Variants in GOLM2 observed in about 807,000 individuals in gnomAD.
GOLM2 encodes golgi membrane protein 2.
GOLM2 carries 26 observed loss-of-function variants against 55.9 expected under a neutral mutation model. The observed-to-expected ratio is 0.47, with a 90% confidence interval of 0.34 to 0.65. The LOEUF (loss-of-function observed/expected upper bound fraction) is 0.65. Ranked by LOEUF, GOLM2 falls within the 30% of genes least tolerant of loss-of-function variation. The probability of loss-of-function intolerance (pLI) is 0.01; values close to 1 mark genes in which losing one functional copy is unlikely to be tolerated. For synonymous variants in GOLM2, 165 were observed against 194.6 expected (o/e 0.85, Z 1.27); for missense variants, 486 against 531.8 (o/e 0.91, Z 0.85).
chr15:44,294,052 C>T (rs140606940), intron 1 of GOLM2, among the ~76,000 whole-genome samples: 1 of 152,254 alleles, frequency 6.6e-6, no homozygotes, highest in East Asian at 1.9e-4. Flanking sequence ...CTGGCTCTGG[C>T]TGTTGGAGAG....
intron 6 of GOLM2, among the ~76,000 whole-genome samples, chr15:44,357,317 C>T (rs1454194901): frequency 6.6e-6 from 1 of 152,112 alleles, no homozygotes; most frequent in African/African-American, 2.4e-5. Context: ...ATGATTATAT[C>T]AGTGAATACA....
At chr15:44,318,350 C>T (rs1211965063) in intron 1 of GOLM2, among the ~76,000 whole-genome samples, 1 of 152,196 alleles carries the variant, frequency 6.6e-6, no homozygotes, top group East Asian at 1.9e-4. Flanking sequence ...TACTTGGTCT[C>T]CCTCCTTCTC....
At chr15:44,364,695 A>C (rs1434181204) in intron 6 of GOLM2, among the ~76,000 whole-genome samples, 2 of 148,286 alleles carry the variant, frequency 1.3e-5, no homozygotes, top group Non-Finnish European at 3.0e-5. Context: ...ATCCTGTCTC[A>C]AAAAAAAAAG....
rs2079661551 is a variant in GOLM2 at position 44,414,651 on chromosome 15, A to C, written c.*1245A>C. On this transcript the variant is annotated 3_prime_UTR_variant, in exon 10 of 10. Coordinates refer to ENST00000299957, the MANE Select transcript of GOLM2 (RefSeq NM_138423.4). ...TGATCTTATTTGATTAGACTTTTTCAGAAGTACTAAATAAGGAATTTTAAC... is the reference window on the plus strand; with the variant it reads ...TGATCTTATTTGATTAGACTTTTTCCGAAGTACTAAATAAGGAATTTTAAC... 1 of 152,226 alleles carries C rather than the reference A, an allele frequency of 6.6e-6. No homozygotes were observed. The highest frequency in any genetic ancestry group is 1.5e-5 in the Non-Finnish European group (1 of 68,038). 9.4% of individuals were successfully genotyped at this position (152,226 alleles called of 1,614,324 possible).
At chr15:44,294,971 G>A (rs940213279) in intron 1 of GOLM2, among the ~76,000 whole-genome samples, 4 of 151,764 alleles carry the variant, frequency 2.6e-5, no homozygotes, top group Admixed American at 6.6e-5. Flanking sequence ...TGGAAATCAA[G>A]GAATCCTTTC....
At chr15:44,370,233 T>C (rs958057723) in intron 6 of GOLM2, among the ~76,000 whole-genome samples, 1 of 152,216 alleles carries the variant, frequency 6.6e-6, no homozygotes, top group Non-Finnish European at 1.5e-5. Flanking sequence ...TAAAGTATCT[T>C]TCAGTCCAGT....
At chr15:44,338,770 C>T (rs2079073473) in intron 6 of GOLM2, among the ~76,000 whole-genome samples, 1 of 152,136 alleles carries the variant, frequency 6.6e-6, no homozygotes, top group African/African-American at 2.4e-5. Flanking sequence ...TGAATTACCC[C>T]ACACTTTTGG....
rs1451001263 is a variant in GOLM2 at position 44,289,739 on chromosome 15, A to G, written c.327+383A>G. On this transcript the variant is annotated intron_variant, in intron 1 of 9. Transcript: ENST00000299957. The surrounding 1 kb of genome is among the most constrained non-coding windows in gnomAD (Gnocchi z 4.8). ...ATTGTCTCATTTTTATTCCGTGCAC[A>G]CTGATCAATATTAATTTCGTTATTT... Among the ~76,000 whole-genome samples, 1 of 152,164 alleles carries G rather than the reference A, an allele frequency of 6.6e-6. No individual in the cohort carries two copies. Among genetic ancestry groups the G allele is most frequent in the Non-Finnish European group, 1.5e-5 (1 of 68,028 alleles).
At chr15:44,323,896 G>T (rs1311305834) in intron 2 of GOLM2, among the ~76,000 whole-genome samples, 1 of 152,132 alleles carries the variant, frequency 6.6e-6, no homozygotes, top group Non-Finnish European at 1.5e-5. Context: ...CAATCAATAG[G>T]AAGTGTTTTT....
chr15:44,348,289 A>G (rs554631736), intron 6 of GOLM2, among the ~76,000 whole-genome samples: 1 of 151,608 alleles, frequency 6.6e-6, no homozygotes, highest in African/African-American at 2.4e-5. Flanking sequence ...GTAGTTCTGG[A>G]CCTACACTAT....
rs371714392 is a variant in GOLM2 at position 44,289,290 on chromosome 15, C to G, written c.261C>G (p.Asp87Glu). Residue 87 changes from aspartate to glutamate, a missense_variant, in exon 1 of 10, where the codon GAC becomes GAG. Physicochemically the swap from Asp to Glu is conservative, Grantham distance 45 (BLOSUM62 2). Coordinates refer to ENST00000299957, the MANE Select transcript of GOLM2 (RefSeq NM_138423.4). This position sits in a 1 kb window ranked among gnomAD's most constrained non-coding sequence, Gnocchi z 4.8. ...HKKQIDQKEA[D>E]YGRLSSRLQA... ...AACAGATCGACCAGAAGGAGGCCGA[C>G]TACGGCCGCCTCAGCAGCCGGCTGC... 7.4e-6 allele frequency: 12 copies of G among 1,613,080 alleles called. No homozygotes were observed. The highest frequency in any genetic ancestry group is 3.3e-5 in the Admixed American group (2 of 59,908).
At chr15:44,375,292 T>C (rs749410982) in intron 6 of GOLM2, among the ~76,000 whole-genome samples, 4 of 152,182 alleles carry the variant, frequency 2.6e-5, no homozygotes, top group African/African-American at 9.7e-5. Context: ...GTGCTGAGAT[T>C]ACACGCATGA....
chr15:44,339,321 C>T (rs185948666), intron 6 of GOLM2, among the ~76,000 whole-genome samples: 17 of 152,004 alleles, frequency 1.1e-4, no homozygotes, highest in African/African-American at 4.1e-4. Context: ...TGAAGTAATC[C>T]AGTGATTTTT....
At chr15:44,336,922 AAAT>A (rs1252110743) in intron 4 of GOLM2, among the ~76,000 whole-genome samples, 1 of 152,140 alleles carries the variant, frequency 6.6e-6, no homozygotes, top group Non-Finnish European at 1.5e-5. Context: ...TCTCAGAAAT[AAAT>A]AATAATAAAA....
At chr15:44,385,483 T>C (rs537327803) in intron 8 of GOLM2, among the ~76,000 whole-genome samples, 17 of 152,184 alleles carry the variant, frequency 1.1e-4, no homozygotes, top group Non-Finnish European at 2.2e-4. Flanking sequence ...GCACCTTTTC[T>C]GTGTACTTTC....
intron 8 of GOLM2, among the ~76,000 whole-genome samples, chr15:44,401,152 C>T (rs2079562631): frequency 6.6e-6 from 1 of 152,068 alleles, no homozygotes; most frequent in African/African-American, 2.4e-5. Flanking sequence ...CTTGCTGTTG[C>T]GTAGGCTGGG....
intron 6 of GOLM2, among the ~76,000 whole-genome samples, chr15:44,353,832 C>CA (rs2079180494): frequency 6.6e-6 from 1 of 151,948 alleles, no homozygotes; most frequent in Admixed American, 6.6e-5. Flanking sequence ...TTAATTGGTA[C>CA]AAAAAATAGA....
At chr15:44,299,193 T>A (rs986932910) in intron 1 of GOLM2, among the ~76,000 whole-genome samples, 2 of 152,232 alleles carry the variant, frequency 1.3e-5, no homozygotes, top group African/African-American at 4.8e-5. Flanking sequence ...ACATTTCTGC[T>A]TTATGCTATT....
At chr15:44,398,117 C>G (rs934658199) in intron 8 of GOLM2, among the ~76,000 whole-genome samples, 1 of 152,160 alleles carries the variant, frequency 6.6e-6, no homozygotes, top group African/African-American at 2.4e-5. Flanking sequence ...CTGGTTATTG[C>G]CTCCTACATA....
Sources: gnomAD v4.1 joint callset for allele counts (sites outside exome capture counted in the v4.1 genomes callset) on GRCh38, gnomAD v4.1.1 for gene constraint, Gnocchi (gnomAD v3.1) non-coding constraint, MANE v1.5 for transcripts, NCBI Gene and HGNC (gene_info 2026-07-23, HGNC 2026-07-21) for gene names.